Variants in SHOC2 observed in about 807,000 individuals in gnomAD.
SHOC2 encodes the protein SHOC2 leucine rich repeat scaffold protein.
A neutral mutation model predicts 50.2 loss-of-function variants in SHOC2; 4 were observed. That is an observed-to-expected ratio of 0.08 (90% CI 0.04 to 0.18). SHOC2 has a LOEUF of 0.18. Among genes scored for constraint, SHOC2 ranks in the 10% least tolerant of loss-of-function variants. The pLI, the probability that SHOC2 is intolerant of heterozygous loss-of-function variation, is 1.00. For synonymous variants in SHOC2, 218 were observed against 244.5 expected (o/e 0.89, Z 1.01); for missense variants, 388 against 669.6 (o/e 0.58, Z 4.64).
chr10:110,939,445 T>C (rs1470418019), intron 1 of SHOC2, among the ~76,000 whole-genome samples: 1 of 152,112 alleles, frequency 6.6e-6, no homozygotes, highest in Non-Finnish European at 1.5e-5. Context: ...GTCTCGAACT[T>C]CTGGCCTCAA....
At chr10:110,963,846 CTTA>C (rs1451995174) in intron 1 of SHOC2, among the ~76,000 whole-genome samples, 4 of 152,054 alleles carry the variant, frequency 2.6e-5, no homozygotes, top group African/African-American at 9.7e-5. Flanking sequence ...AAATATTAAG[CTTA>C]TTGTTGTGGT....
At chr10:110,972,867 C>T (rs963715506) in intron 2 of SHOC2, among the ~76,000 whole-genome samples, 1 of 152,058 alleles carries the variant, frequency 6.6e-6, no homozygotes, top group Non-Finnish European at 1.5e-5. Flanking sequence ...AAAAATAGTA[C>T]TTGAACTGTT....
At chr10:110,938,290 A>G (rs910206898) in intron 1 of SHOC2, among the ~76,000 whole-genome samples, 1 of 152,042 alleles carries the variant, frequency 6.6e-6, no homozygotes, top group Admixed American at 6.5e-5. Context: ...TTTCCACCCC[A>G]TTTCTTTTAT....
rs937822393 is a variant in SHOC2, at chr10:110,964,255, C to T, written c.-104C>T. The T allele has an allele frequency of 5.9e-6, 9 of 1,522,236 alleles. No individual in the cohort carries two copies. The African/African-American group carries it at 1.3e-4, about 21-fold the overall frequency. 94.3% of individuals were successfully genotyped at this position (1,522,236 alleles called of 1,614,324 possible). A position where few individuals can be genotyped will look rare whatever the true frequency, so the allele number is the denominator to read the frequency against. On this transcript the variant is annotated 5_prime_UTR_variant, in exon 2 of 9. Transcript: ENST00000369452. This position sits in a 1 kb window ranked among gnomAD's most constrained non-coding sequence, Gnocchi z 4.9. ...ACTCCATGCTGATTACTTCTTCAAG[C>T]CAGTACTTTTTTGATTGTGTAGGAT...
chr10:110,986,495 ACAGAGTTTCACTCTGCCTCT>A (rs1464724361), intron 3 of SHOC2, among the ~76,000 whole-genome samples: 1 of 151,894 alleles, frequency 6.6e-6, no homozygotes, highest in Non-Finnish European at 1.5e-5. Flanking sequence ...TTTTTTTGAG[ACAGAGTTTCACTCTGCCTCT>A]CAGGCTGGAG....
At position 110,936,885 on chromosome 10, in the gene SHOC2, G is replaced by A. The variant is rs190420753; in HGVS notation, c.-235+17228G>A. 9 of 1,382,506 alleles carry A rather than the reference G, an allele frequency of 6.5e-6. No homozygotes were observed. In the Admixed American group the frequency reaches 1.0e-4, roughly 16 times the overall value. 85.6% of individuals were successfully genotyped at this position (1,382,506 alleles called of 1,614,324 possible). A position where few individuals can be genotyped will look rare whatever the true frequency, so the allele number is the denominator to read the frequency against. On this transcript the variant is annotated intron_variant, in intron 1 of 8. Transcript: ENST00000369452. Reference sequence around the variant, plus strand: ...TTGAGGGCAGCAGGAACCACCATCCGCTTTTTCTTGTCGTAAGGCGGTGGG... The same window carrying A: ...TTGAGGGCAGCAGGAACCACCATCCACTTTTTCTTGTCGTAAGGCGGTGGG...
intron 1 of SHOC2, among the ~76,000 whole-genome samples, chr10:110,956,542 TTAAA>T (rs1847467400): frequency 6.6e-6 from 1 of 152,212 alleles, no homozygotes; most frequent in Admixed American, 6.5e-5. Flanking sequence ...TTGCTGCTTT[TTAAA>T]AAACCTTTGT....
chr10:110,982,986 G>C (rs117383084), intron 2 of SHOC2, among the ~76,000 whole-genome samples: 7 of 152,140 alleles, frequency 4.6e-5, no homozygotes, highest in Non-Finnish European at 8.8e-5. Flanking sequence ...AAACTTCTTA[G>C]TTACAAATAT....
chr10:110,997,313 T>G (rs1848285779), intron 3 of SHOC2, among the ~76,000 whole-genome samples: 1 of 152,208 alleles, frequency 6.6e-6, no homozygotes, highest in South Asian at 2.1e-4. Context: ...TAAAATGACT[T>G]TAGAACTATA....
chr10:111,009,819 C>T lies in SHOC2; in HGVS notation c.1529C>T (p.Pro510Leu). ...GGAGAGAACCTACTTACTCACCTTC[C>T]TGAAGAAATTGGTATGAACCCTGTG... ...GLGENLLTHL[P>L]EEIGTLENLE... The change falls in exon 8 of 9, where the codon CCT becomes CTT. Residue 510 changes from proline (P) to leucine (L), a missense_variant. Physicochemically the swap from Pro to Leu is moderately conservative, Grantham distance 98. Transcript: ENST00000369452. 1 of 1,588,038 alleles carries T rather than the reference C, an allele frequency of 6.3e-7. No homozygotes were observed. The highest frequency in any genetic ancestry group is 8.6e-7 in the Non-Finnish European group (1 of 1,156,280).
chr10:110,994,092 ATGGTCT>A (rs1024978825), intron 3 of SHOC2, among the ~76,000 whole-genome samples: 11 of 152,092 alleles, frequency 7.2e-5, no homozygotes, highest in Non-Finnish European at 1.3e-4. Flanking sequence ...AGAAAAAGGG[ATGGTCT>A]TGTTTACTTC....
chr10:110,942,044 C>T (rs1423468233), intron 1 of SHOC2, among the ~76,000 whole-genome samples: 1 of 152,106 alleles, frequency 6.6e-6, no homozygotes, highest in Non-Finnish European at 1.5e-5. Context: ...ATTTTTCATT[C>T]TCTGCTAAGA....
chr10:110,939,539 C>T (rs1847095778), intron 1 of SHOC2, among the ~76,000 whole-genome samples: 1 of 152,068 alleles, frequency 6.6e-6, no homozygotes, highest in Non-Finnish European at 1.5e-5. Flanking sequence ...GGTGGTATCT[C>T]CACTTAACAT....
intron 2 of SHOC2, among the ~76,000 whole-genome samples, chr10:110,980,986 TTTCATGTAGATGGAAAC>T (rs1590816386): frequency 6.6e-6 from 1 of 152,232 alleles, no homozygotes; most frequent in East Asian, 1.9e-4. Flanking sequence ...CTGCTGAATC[TTTCATGTAGATGGAAAC>T]TTGTTTCATT....
At position 110,964,053 on chromosome 10, in the gene SHOC2, A is replaced by G; in HGVS notation, c.-234-72A>G. 2 of 435,934 alleles carry G rather than the reference A, an allele frequency of 4.6e-6. No individual in the cohort carries two copies. The highest frequency in any genetic ancestry group is 8.0e-6 in the Non-Finnish European group (2 of 250,002). 27.0% of individuals were successfully genotyped at this position (435,934 alleles called of 1,614,324 possible). ...TCATAGGAAAATGGCAAACTCTAAT[A>G]AGATTGTTTTTCAGAGCCTATTTAA... is the stretch of plus-strand genomic sequence containing the variant. On this transcript the variant is annotated intron_variant, in intron 1 of 8. Transcript: ENST00000369452. This position sits in a 1 kb window ranked among gnomAD's most constrained non-coding sequence, Gnocchi z 4.9.
In SHOC2 at chr10:111,011,656, C is replaced by A; in HGVS notation, c.1587C>A (p.Asn529Lys). Residue 529 changes from asparagine to lysine, a missense_variant, in exon 9 of 9, where the codon AAC (asparagine) becomes AAA (lysine). Physicochemically the swap from Asn to Lys is moderately conservative, Grantham distance 94. Transcript: ENST00000369452. ...LEELYLNDNP[N>K]LHSLPFELAL... ...AACTGTATTTGAATGACAACCCCAA[C>A]CTGCATAGCCTTCCCTTTGAGCTGG... 2 of 1,613,860 alleles carry A rather than the reference C, an allele frequency of 1.2e-6. No homozygotes were observed. The highest frequency in any genetic ancestry group is 2.2e-5 in the South Asian group (2 of 91,076).
intron 1 of SHOC2, among the ~76,000 whole-genome samples, chr10:110,961,345 A>G (rs1847568357): frequency 6.6e-6 from 1 of 152,202 alleles, no homozygotes; most frequent in Admixed American, 6.5e-5. Context: ...ATTACTCTCA[A>G]TATGTTTTCT....
In SHOC2 at chr10:111,009,353, C is replaced by T. The variant is rs144074390; in HGVS notation, c.1390C>T (p.Pro464Ser). ...AGAAGAGAACAAATTGGAATCCTTG[C>T]CAAATGAAATTGCATATCTTAAGGA... ...DLEENKLESLPNEIAYLKDLQ... is the reference protein window; with the variant it reads ...DLEENKLESLSNEIAYLKDLQ... The change falls in exon 7 of 9, where the codon CCA (proline) becomes TCA (serine). Residue 464 changes from proline to serine, a missense_variant. Physicochemically the swap from Pro to Ser is moderately conservative, Grantham distance 74. Around this residue, in one of 5 missense-constraint regions of SHOC2, gnomAD observed 130 missense variants for 208.6 expected, o/e 0.62. Coordinates refer to ENST00000369452, the MANE Select transcript of SHOC2 (RefSeq NM_007373.4). 6.2e-7 allele frequency: 1 copy of T among 1,610,238 alleles called. No homozygotes were observed. The highest frequency in any genetic ancestry group is 1.7e-5 in the Admixed American group (1 of 59,968).
intron 4 of SHOC2, among the ~76,000 whole-genome samples, chr10:111,001,776 G>T (rs1848381081): frequency 1.3e-5 from 2 of 152,010 alleles, no homozygotes; most frequent in South Asian, 4.1e-4. Context: ...GCTCATGCTT[G>T]TAATCCCAGC....
Sources: gnomAD v4.1 joint callset for allele counts (sites outside exome capture counted in the v4.1 genomes callset) on GRCh38, gnomAD v4.1.1 for gene constraint, gnomAD v4.1.1 regional missense constraint, Gnocchi (gnomAD v3.1) non-coding constraint, MANE v1.5 for transcripts, NCBI Gene and HGNC (gene_info 2026-07-23, HGNC 2026-07-21) for gene names.